Variants in METTL9 observed in about 807,000 individuals in gnomAD.
METTL9 encodes methyltransferase 9, His-X-His N1(pi)-histidine, also known as protein-L-histidine N-pros-methyltransferase.
In METTL9, 10 loss-of-function variants were observed where a neutral mutation model predicts 36.0. That is an observed-to-expected ratio of 0.28 (90% CI 0.17 to 0.47). The LOEUF (loss-of-function observed/expected upper bound fraction) is 0.47. Among genes scored for constraint, METTL9 ranks in the 20% least tolerant of loss-of-function variants. The pLI is 0.99. For synonymous variants in METTL9, 175 were observed against 149.7 expected, an observed-to-expected ratio of 1.17 and a Z score of -1.23; for missense variants, 246 against 383.5, an observed-to-expected ratio of 0.64 and a Z score of 3.00.
intron 4 of METTL9, among the ~76,000 whole-genome samples, chr16:21,629,050 C>T (rs531204907): frequency 3.9e-5 from 6 of 152,062 alleles, no homozygotes; most frequent in African/African-American, 1.4e-4. Flanking sequence ...TGTGCCACCA[C>T]ACCCGGCTCA....
chr16:21,648,061 A>T (rs1966475973), intron 4 of METTL9, among the ~76,000 whole-genome samples: 1 of 152,124 alleles, frequency 6.6e-6, no homozygotes, highest in South Asian at 2.1e-4. Flanking sequence ...GGGAAACATG[A>T]TAAAAGGCAA....
At chr16:21,653,304 C>G (rs908330853) in intron 4 of METTL9, 3 of 151,236 alleles carry the variant, frequency 2.0e-5, no homozygotes, top group African/African-American at 7.3e-5. Flanking sequence ...GTCCTGCCCT[C>G]AAGCGATCCC....
chr16:21,602,622 C>G (rs1965163535), intron 1 of METTL9, among the ~76,000 whole-genome samples: 2 of 151,620 alleles, frequency 1.3e-5, no homozygotes, highest in South Asian at 4.2e-4. Flanking sequence ...CATGAAGTTT[C>G]ATTTATGGAA....
chr16:21,652,588 G>A lies in METTL9; in HGVS notation c.752-2639G>A, dbSNP rs565354015. 509 of 1,609,930 alleles carry A rather than the reference G, an allele frequency of 3.2e-4. 4 individuals carry two copies. The South Asian group carries it at 5.2e-3, about 17-fold the overall frequency. ...ATGGCGAGCGATGTTGCTTCTGCTC[G>A]CAGTCCCCATTTCTGTGTATGCCGG... On this transcript the variant is annotated intron_variant, in intron 4 of 4. Coordinates refer to ENST00000358154, the MANE Select transcript of METTL9 (RefSeq NM_016025.5).
intron 1 of METTL9, among the ~76,000 whole-genome samples, chr16:21,607,189 C>G (rs1567325774): frequency 1.3e-5 from 2 of 152,138 alleles, no homozygotes; most frequent in Admixed American, 6.5e-5. Context: ...ATTCTTTTGC[C>G]TTAGCCTCCC....
At chr16:21,628,466 CCT>C (rs1306097877) in intron 4 of METTL9, among the ~76,000 whole-genome samples, 1 of 152,100 alleles carries the variant, frequency 6.6e-6, no homozygotes, top group Non-Finnish European at 1.5e-5. Flanking sequence ...AACACCCTCC[CCT>C]GTCCTCCCCC....
intron 4 of METTL9, chr16:21,627,557 T>C (rs1209428618): frequency 5.6e-6 from 1 of 179,660 alleles, no homozygotes; most frequent in Non-Finnish European, 1.1e-5. Context: ...AAATAAAAAT[T>C]TAATGATGTT....
At chr16:21,625,478 C>G (rs1232565237) in intron 4 of METTL9, among the ~76,000 whole-genome samples, 1 of 152,172 alleles carries the variant, frequency 6.6e-6, no homozygotes, top group Admixed American at 6.5e-5. Flanking sequence ...GTCGTATATA[C>G]TTGCTGAATG....
intron 4 of METTL9, among the ~76,000 whole-genome samples, chr16:21,628,765 G>A (rs905844310): frequency 6.6e-6 from 1 of 151,822 alleles, no homozygotes. Context: ...CAGCGTGTTG[G>A]GATTATAGAT....
chr16:21,630,730 A>ATAGCT (rs1365627301), intron 4 of METTL9, among the ~76,000 whole-genome samples: 2 of 152,142 alleles, frequency 1.3e-5, no homozygotes, highest in Non-Finnish European at 2.9e-5. Context: ...AAGACCATCT[A>ATAGCT]TAGCTTGATG....
chr16:21,647,159 C>T lies in METTL9; in HGVS notation c.752-8068C>T, dbSNP rs752410978. ...TCTTACCACCAGTGTGGTCCCTCCT[C>T]CTGTCTGTTTAGCTCTCGCTTCCGG... is the stretch of plus-strand genomic sequence containing the variant. On this transcript the variant is annotated intron_variant, in intron 4 of 4. Coordinates refer to ENST00000358154, the MANE Select transcript of METTL9 (RefSeq NM_016025.5). 21 of 1,614,070 alleles carry T rather than the reference C, an allele frequency of 1.3e-5. No individual in the cohort carries two copies. In the African/African-American group the frequency reaches 2.7e-4, roughly 21 times the overall value.
At chr16:21,644,465 T>C (rs1215014523) in intron 4 of METTL9, 2 of 1,088,344 alleles carry the variant, frequency 1.8e-6, no homozygotes, top group Non-Finnish European at 2.8e-6. Context: ...ATGTGTAAAG[T>C]ATCCTTCACA....
At chr16:21,617,295 G>A (rs1965577340) in intron 2 of METTL9, among the ~76,000 whole-genome samples, 1 of 151,920 alleles carries the variant, frequency 6.6e-6, no homozygotes, top group Non-Finnish European at 1.5e-5. Context: ...GCGGGCGCCT[G>A]TAGTCCCAGC....
In METTL9 at chr16:21,613,168, C is replaced by CTTT. The variant is rs57388340; in HGVS notation, c.356+367_356+369dup. On this transcript the variant is annotated intron_variant, in intron 2 of 4. Transcript: ENST00000358154. ...ATCAGGGGCTAGGTCTGAGAGTCTG[C>CTTT]TTTTTTTTTTTTTTTTTTTTTTTTT... Among the ~76,000 whole-genome samples, 49 of 91,420 alleles carry CTTT rather than the reference C, an allele frequency of 5.4e-4. 6 individuals carry two copies. The highest frequency in any genetic ancestry group is 1.1e-3 in the East Asian group (3 of 2,830). 60.0% of individuals were successfully genotyped at this position (91,420 alleles called of 152,430 possible).
chr16:21,651,331 G>A (rs188942921), intron 4 of METTL9, among the ~76,000 whole-genome samples: 1 of 152,162 alleles, frequency 6.6e-6, no homozygotes, highest in East Asian at 1.9e-4. Flanking sequence ...GTCTTGCTCT[G>A]TTGCCCAGGC....
At chr16:21,638,538 G>A (rs1966164553) in intron 4 of METTL9, among the ~76,000 whole-genome samples, 1 of 152,142 alleles carries the variant, frequency 6.6e-6, no homozygotes, top group Non-Finnish European at 1.5e-5. Context: ...AGGGCCTACT[G>A]TGTACCAAGT....
intron 4 of METTL9, chr16:21,647,289 T>G (rs1966455447): frequency 6.2e-7 from 1 of 1,614,066 alleles, no homozygotes; most frequent in Admixed American, 1.7e-5. Flanking sequence ...TCCCTCACTG[T>G]GAACTTGTCT....
Position 21,601,729 on chromosome 16 carries a change from C to CTGTGTG in METTL9, c.165+1859_165+1864dup, listed in dbSNP as rs57264395. 8.5e-3 allele frequency among the ~76,000 whole-genome samples: 1,245 copies of CTGTGTG among 145,824 alleles called. 7 individuals carry two copies. Among genetic ancestry groups the CTGTGTG allele is most frequent in the Middle Eastern group, 0.025 (7 of 282 alleles). ...TTATTTCAGATACCGTATTTATATTCTGTGTGTGTGTGTGTGTGTGTGTGT... is the reference window on the plus strand; with the variant it reads ...TTATTTCAGATACCGTATTTATATTCTGTGTGTGTGTGTGTGTGTGTGTGTGTGTGT... On this transcript the variant is annotated intron_variant, in intron 1 of 4. Transcript: ENST00000358154.
chr16:21,612,961 A>G (rs1345090194), intron 2 of METTL9, 126 bp downstream of exon 2: 1 of 822,226 alleles, frequency 1.2e-6, no homozygotes, highest in Non-Finnish European at 1.8e-6. Flanking sequence ...ACTAGTCAGA[A>G]CCTTGGCAGT....
Sources: allele counts gnomAD v4.1 joint callset (sites outside exome capture counted in the v4.1 genomes callset), GRCh38; gene constraint gnomAD v4.1.1; transcripts MANE v1.5; gene names NCBI Gene and HGNC (gene_info 2026-07-23, HGNC 2026-07-21).